LINGO1: variants seen among roughly 807,000 people sequenced by gnomAD.
LINGO1 encodes leucine-rich repeat and immunoglobulin-like domain-containing nogo receptor-interacting protein 1.
A neutral mutation model predicts 37.3 loss-of-function variants in LINGO1; 11 were observed. The observed-to-expected ratio is 0.29, with a 90% CI of 0.19 to 0.49. The LOEUF (loss-of-function observed/expected upper bound fraction) is 0.49. LINGO1 is among the 20% of genes least tolerant of loss of function. LINGO1 has a pLI of 0.99. For synonymous variants in LINGO1, 387 were observed against 403.0 expected (o/e 0.96, Z 0.48); for missense variants, 585 against 878.2 (o/e 0.67, Z 4.22).
intron 3 of LINGO1, among the ~76,000 whole-genome samples, chr15:77,666,536 G>A (rs191142367): frequency 3.3e-5 from 5 of 152,306 alleles, no homozygotes; most frequent in Admixed American, 2.6e-4. Context: ...TGCAGGTGAA[G>A]GAAATGACTT....
At chr15:77,647,060 C>T (rs746382023) in intron 3 of LINGO1, among the ~76,000 whole-genome samples, 1 of 140,336 alleles carries the variant, frequency 7.1e-6, no homozygotes, top group African/African-American at 2.7e-5. Flanking sequence ...CTCTAGCTAA[C>T]GAGTATGGAG....
At chr15:77,674,230 G>A (rs2075294053) in intron 3 of LINGO1, among the ~76,000 whole-genome samples, 1 of 151,942 alleles carries the variant, frequency 6.6e-6, no homozygotes, top group Admixed American at 6.6e-5. Flanking sequence ...GCTCTACCTT[G>A]AGCATACATG....
chr15:77,722,250 G>T (rs1187616226), intron 2 of LINGO1, among the ~76,000 whole-genome samples: 1 of 152,194 alleles, frequency 6.6e-6, no homozygotes, highest in Non-Finnish European at 1.5e-5. Context: ...CCGTCTCTGA[G>T]TACATAACCT....
upstream of LINGO1, among the ~76,000 whole-genome samples, chr15:77,791,793 G>C (rs2076820463): frequency 6.6e-6 from 1 of 152,132 alleles, no homozygotes; most frequent in South Asian, 2.1e-4. Flanking sequence ...GCCGTGACAA[G>C]TGTTACAGAA....
chr15:77,689,434 C>T (rs553983872), intron 2 of LINGO1, among the ~76,000 whole-genome samples: 6 of 152,278 alleles, frequency 3.9e-5, no homozygotes, highest in Non-Finnish European at 7.4e-5. Flanking sequence ...CTACCCTGTC[C>T]CCCAGCTGCC....
At chr15:77,709,767 G>A (rs560661660) in intron 2 of LINGO1, among the ~76,000 whole-genome samples, 1 of 152,350 alleles carries the variant, frequency 6.6e-6, no homozygotes, top group South Asian at 2.1e-4. Flanking sequence ...CTTGGCTTAT[G>A]GAGAAGCTAC....
At position 77,615,364 on chromosome 15, in the gene LINGO1, G is replaced by A; in HGVS notation, c.543C>T (p.Tyr181=). The change falls in exon 2 of 2, where the codon TAC becomes TAT. Residue 181 remains tyrosine (Y), a synonymous_variant. Coordinates refer to ENST00000355300, the MANE Select transcript of LINGO1 (RefSeq NM_032808.7). The part of the protein sequence containing the change: ...SLEVGDNDLV[Y]ISHRAFSGLN... Reference sequence around the variant, plus strand: ...GGCCGCTGAAGGCGCGGTGAGAGATGTAGACGAGGTCATTGTCGCCAACCT... The same window carrying A: ...GGCCGCTGAAGGCGCGGTGAGAGATATAGACGAGGTCATTGTCGCCAACCT... The A allele has an allele frequency of 2.5e-6, 4 of 1,613,980 alleles. No homozygotes were observed. Among genetic ancestry groups the A allele is most frequent in the Non-Finnish European group, 3.4e-6 (4 of 1,179,888 alleles).
intron 2 of LINGO1, among the ~76,000 whole-genome samples, chr15:77,722,693 G>A (rs981350024): frequency 2.0e-5 from 3 of 152,204 alleles, no homozygotes; most frequent in East Asian, 1.9e-4. Context: ...AGAGATATGC[G>A]CTGAAATATT....
At chr15:77,743,271 C>T (rs2076282938) in intron 1 of LINGO1, among the ~76,000 whole-genome samples, 2 of 152,166 alleles carry the variant, frequency 1.3e-5, no homozygotes, top group East Asian at 1.9e-4. Context: ...GGAACCCACT[C>T]TGCTTGGCAC....
At chr15:77,715,888 A>G (rs2075978078) in intron 2 of LINGO1, among the ~76,000 whole-genome samples, 1 of 152,028 alleles carries the variant, frequency 6.6e-6, no homozygotes, top group Admixed American at 6.6e-5. Context: ...GCTCCTCTCC[A>G]CTGGCACGCT....
chr15:77,710,049 G>A (rs1457591458), intron 2 of LINGO1, among the ~76,000 whole-genome samples: 2 of 152,214 alleles, frequency 1.3e-5, no homozygotes, highest in Admixed American at 1.3e-4. Context: ...AGGAGTCCCC[G>A]TGGAGGAGGA....
At chr15:77,673,133 G>A (rs2075277996) in intron 3 of LINGO1, among the ~76,000 whole-genome samples, 1 of 152,118 alleles carries the variant, frequency 6.6e-6, no homozygotes, top group Non-Finnish European at 1.5e-5. Flanking sequence ...ATGAACTAGA[G>A]ATTTAAATAT....
chr15:77,769,402 T>G (rs2076561713), intron 1 of LINGO1, among the ~76,000 whole-genome samples: 1 of 152,210 alleles, frequency 6.6e-6, no homozygotes, highest in African/African-American at 2.4e-5. Flanking sequence ...GCCTCCCCTG[T>G]GACTGGGCCC....
At chr15:77,755,968 C>T (rs77848847) in intron 1 of LINGO1, among the ~76,000 whole-genome samples, 3,322 of 152,314 alleles carry the variant, frequency 0.022, 127 homozygotes, top group African/African-American at 0.077. Context: ...CCTGACTCCT[C>T]GGTGGGAGCA....
At chr15:77,637,736 C>T (rs78209691), upstream of LINGO1, among the ~76,000 whole-genome samples, 2,054 of 152,288 alleles carry the variant, frequency 0.013, 58 homozygotes, top group African/African-American at 0.047. This position sits in a 1 kb window ranked among gnomAD's most constrained non-coding sequence, Gnocchi z 4.6. Context: ...CATTCCCACT[C>T]GGAGACACCT....
chr15:77,795,492 T>C (rs1398080610), intron 2 of LINGO1, among the ~76,000 whole-genome samples: 1 of 152,166 alleles, frequency 6.6e-6, no homozygotes, highest in African/African-American at 2.4e-5. Flanking sequence ...CCTCACGCTG[T>C]CTCTGGTGTG....
chr15:77,641,934 CACCTG>C, intron 3 of LINGO1: 1 of 456,674 alleles, frequency 2.2e-6, no homozygotes, highest in South Asian at 1.5e-5. Context: ...CCAGGGAAGC[CACCTG>C]TTGGCGGAGT....
chr15:77,724,045 G>A (rs1029462026), intron 2 of LINGO1, among the ~76,000 whole-genome samples: 27 of 152,186 alleles, frequency 1.8e-4, no homozygotes, highest in African/African-American at 6.3e-4. Flanking sequence ...TGTCTGAGCT[G>A]GGCTATATAT....
chr15:77,757,264 G>A (rs1000352151), intron 1 of LINGO1, among the ~76,000 whole-genome samples: 8 of 152,228 alleles, frequency 5.3e-5, no homozygotes, highest in Admixed American at 1.3e-4. Flanking sequence ...GCAGTCTGCC[G>A]CAGGGGCCCA....
Sources: allele counts gnomAD v4.1 joint callset (sites outside exome capture counted in the v4.1 genomes callset), GRCh38; gene constraint gnomAD v4.1.1; non-coding constraint Gnocchi (gnomAD v3.1); transcripts MANE v1.5; gene names NCBI Gene and HGNC (gene_info 2026-07-23, HGNC 2026-07-21).